The following MYO3B variants were observed in gnomAD, a reference collection of about 807,000 sequenced individuals.
The protein encoded by MYO3B is myosin-IIIb.
Under a neutral mutation model 174.6 loss-of-function variants are expected in MYO3B, and 156 were observed. That is an observed-to-expected ratio of 0.89 (90% CI 0.78 to 1.02). The LOEUF is 1.02. MYO3B is among the 50% of genes least tolerant of loss of function. The probability of loss-of-function intolerance (pLI) is 0.00; values close to 1 mark genes in which losing one functional copy is unlikely to be tolerated. For synonymous variants in MYO3B, 563 were observed against 569.1 expected, an observed-to-expected ratio of 0.99 and a Z score of 0.15; for missense variants, 1,632 against 1,639.4, an observed-to-expected ratio of 1.00 and a Z score of 0.08.
intron 7 of MYO3B, among the ~76,000 whole-genome samples, chr2:170,326,494 A>T (rs1435623499): frequency 6.6e-6 from 1 of 152,178 alleles, no homozygotes; most frequent in East Asian, 1.9e-4. Context: ...GATATTGCCG[A>T]GTTCTTATTG....
chr2:170,227,700 A>C (rs1267683115), intron 6 of MYO3B, among the ~76,000 whole-genome samples: 1 of 152,202 alleles, frequency 6.6e-6, no homozygotes, highest in Non-Finnish European at 1.5e-5. Context: ...TGAGGACAGA[A>C]ACCACAGATA....
intron 3 of MYO3B, among the ~76,000 whole-genome samples, chr2:170,205,099 A>T (rs2092700984): frequency 1.3e-5 from 2 of 152,202 alleles, no homozygotes; most frequent in South Asian, 4.1e-4. Context: ...GGGAAGTCAG[A>T]CAGCTCTTAT....
intron 6 of MYO3B, among the ~76,000 whole-genome samples, chr2:170,229,445 G>A (rs1433176302): frequency 1.3e-5 from 2 of 152,206 alleles, no homozygotes; most frequent in Admixed American, 1.3e-4. Flanking sequence ...TTGCATGAAT[G>A]ATTCTAGTAA....
chr2:170,294,177 G>C lies in MYO3B; in HGVS notation c.750-41208G>C, dbSNP rs139784057. Among the ~76,000 whole-genome samples, 993 of 151,934 alleles carry C rather than the reference G, an allele frequency of 6.5e-3. 6 individuals carry two copies. The highest frequency in any genetic ancestry group is 0.023 in the African/African-American group (939 of 41,484). ...GCTCAATCAACTTTATTCTTTCTTT[G>C]TTTCTTTTCTATTTAATTTCTGTTC... On this transcript the variant is annotated intron_variant, in intron 7 of 34. Coordinates refer to ENST00000408978, the MANE Select transcript of MYO3B (RefSeq NM_138995.5).
intron 6 of MYO3B, among the ~76,000 whole-genome samples, chr2:170,233,232 A>G (rs181431434): frequency 8.1e-4 from 123 of 152,292 alleles, no homozygotes; most frequent in African/African-American, 2.7e-3. Context: ...GTTAGTACAC[A>G]TTGTCTTAGG....
intron 23 of MYO3B, among the ~76,000 whole-genome samples, chr2:170,450,003 C>G (rs2105925789): frequency 6.6e-6 from 1 of 152,262 alleles, no homozygotes; most frequent in East Asian, 1.9e-4. Flanking sequence ...AACAAGACAA[C>G]TGTCTGTGGA....
chr2:170,336,571 GTAACA>G (rs1051146166), intron 8 of MYO3B, among the ~76,000 whole-genome samples: 2 of 152,144 alleles, frequency 1.3e-5, no homozygotes, highest in African/African-American at 4.8e-5. Flanking sequence ...TGATTTGATG[GTAACA>G]TATGACCTTA....
intron 1 of MYO3B, among the ~76,000 whole-genome samples, chr2:170,192,691 A>G (rs1160723975): frequency 6.6e-6 from 1 of 151,432 alleles, no homozygotes; most frequent in Non-Finnish European, 1.5e-5. Context: ...GTTTAATTCT[A>G]TAACATTTTG....
At chr2:170,443,116 G>T (rs567552272) in intron 22 of MYO3B, among the ~76,000 whole-genome samples, 13 of 152,178 alleles carry the variant, frequency 8.5e-5, no homozygotes, top group Non-Finnish European at 4.4e-5. Context: ...CACCAATAGT[G>T]TAAAAGTGTT....
intron 32 of MYO3B, among the ~76,000 whole-genome samples, chr2:170,636,279 T>C (rs930447322): frequency 3.3e-5 from 5 of 152,178 alleles, no homozygotes; most frequent in African/African-American, 4.8e-5. Context: ...TGTGACTGCC[T>C]GGCCCTACTC....
intron 7 of MYO3B, among the ~76,000 whole-genome samples, chr2:170,311,850 G>A (rs1205049223): frequency 6.6e-6 from 1 of 152,140 alleles, no homozygotes; most frequent in Non-Finnish European, 1.5e-5. Flanking sequence ...GGCACCGTTT[G>A]TTAAAGAGAC....
chr2:170,287,335 A>G (rs2093563673), intron 7 of MYO3B, among the ~76,000 whole-genome samples: 1 of 151,600 alleles, frequency 6.6e-6, no homozygotes, highest in Non-Finnish European at 1.5e-5. Flanking sequence ...ACTAATTTGC[A>G]TTCCCACCAA....
At position 170,410,596 on chromosome 2, in the gene MYO3B, A is replaced by G. The variant is rs1258978404; in HGVS notation, c.2650+2752A>G. ...CTCCGTCTCAACAAAAAAAAAGAAA[A>G]AAAAAAAAAAAAAAACTTGGGAAAC... On this transcript the variant is annotated intron_variant, in intron 22 of 34. Transcript: ENST00000408978. Among the ~76,000 whole-genome samples, 9 of 151,624 alleles carry G rather than the reference A, an allele frequency of 5.9e-5. No homozygotes were observed. In the South Asian group the frequency reaches 1.0e-3, roughly 18 times the overall value.
chr2:170,459,512 C>A lies in MYO3B; in HGVS notation c.2731-3856C>A, dbSNP rs367607082. Among the ~76,000 whole-genome samples the A allele has an allele frequency of 2.4e-4, 36 of 152,312 alleles. No homozygotes were observed. In the East Asian group the frequency reaches 3.9e-3, roughly 16 times the overall value. ...GGTGCTGATTGGTGCATTTACAAAC[C>A]TTTAACTAGACATAGAAGTTCTCCA... On this transcript the variant is annotated intron_variant, in intron 23 of 34. Transcript: ENST00000408978.
Position 170,519,545 on chromosome 2 carries a change from G to A in MYO3B, c.3575+5G>A. The A allele has an allele frequency of 6.2e-7, 1 of 1,610,718 alleles. No individual in the cohort carries two copies. The highest frequency in any genetic ancestry group is 8.5e-7 in the Non-Finnish European group (1 of 1,177,100). ...TGCTGTCACAGAGAAAAATGGGTGA[G>A]CATTATCTGCTAAGAGTTCCCTGTT... On this transcript the variant is annotated splice_donor_5th_base_variant and intron_variant, in intron 30 of 34. Coordinates refer to ENST00000408978, the MANE Select transcript of MYO3B (RefSeq NM_138995.5).
At chr2:170,594,694 G>A (rs560463707) in intron 32 of MYO3B, among the ~76,000 whole-genome samples, 29 of 152,190 alleles carry the variant, frequency 1.9e-4, no homozygotes, top group African/African-American at 6.7e-4. Flanking sequence ...TTCAAGCTAA[G>A]ACTTACCCTT....
intron 6 of MYO3B, among the ~76,000 whole-genome samples, chr2:170,227,324 A>G (rs957844566): frequency 2.6e-5 from 4 of 152,132 alleles, no homozygotes; most frequent in Non-Finnish European, 4.4e-5. Context: ...TTGCTCTGTC[A>G]TCCAGGCTGG....
intron 22 of MYO3B, among the ~76,000 whole-genome samples, chr2:170,410,064 G>A (rs62168144): frequency 0.072 from 10,921 of 152,214 alleles, 443 homozygotes; most frequent in Non-Finnish European, 0.095. Flanking sequence ...CCCACTAGAA[G>A]CAAGATCCCA....
intron 32 of MYO3B, among the ~76,000 whole-genome samples, chr2:170,558,480 A>C (rs966734807): frequency 6.6e-6 from 1 of 152,086 alleles, no homozygotes; most frequent in Non-Finnish European, 1.5e-5. Context: ...CCACCTAAAT[A>C]TGTGTCTCTA....
Sources: allele counts gnomAD v4.1 joint callset (sites outside exome capture counted in the v4.1 genomes callset), GRCh38; gene constraint gnomAD v4.1.1; transcripts MANE v1.5; gene names NCBI Gene and HGNC (gene_info 2026-07-23, HGNC 2026-07-21).